Variants in CLEC7A observed in about 807,000 individuals in gnomAD.
CLEC7A encodes the protein C-type lectin domain family 7 member A.
In CLEC7A, 25 loss-of-function variants were observed where a neutral mutation model predicts 26.9. The ratio of observed to expected loss-of-function variants is 0.93; its 90% CI spans 0.68 to 1.30. The LOEUF (loss-of-function observed/expected upper bound fraction) is 1.30, where lower values mean the gene tolerates loss of function less well. Ranked by LOEUF, CLEC7A falls within the 50% of genes most tolerant of loss-of-function variation. The pLI, the probability that CLEC7A is intolerant of heterozygous loss-of-function variation, is 0.00. For synonymous variants in CLEC7A, 100 were observed against 99.5 expected (o/e 1.01, Z -0.03); for missense variants, 275 against 286.7 (o/e 0.96, Z 0.29).
rs191157740 is a variant in CLEC7A at position 10,126,233 on chromosome 12, A to G, written c.340+338T>C. Reference sequence around the variant, plus strand: ...CTAACTGTATCGCATTTAAAATGTCAATTCTGTAAGGGGAGAGAACACTTT... The same window carrying G: ...CTAACTGTATCGCATTTAAAATGTCGATTCTGTAAGGGGAGAGAACACTTT... On this transcript the variant is annotated intron_variant, in intron 3 of 5. Transcript: ENST00000304084. The G allele has an allele frequency of 4.3e-4, 427 of 981,922 alleles. 1 individual carries two copies. The African/African-American group carries it at 7.0e-3, about 16-fold the overall frequency. The allele number at this position is 981,922 out of a possible 1,614,324, so 60.8% of individuals were successfully genotyped here. A position where few individuals can be genotyped will look rare whatever the true frequency, so the allele number is the denominator to read the frequency against.
At chr12:10,119,079 A>C (rs74617318) in intron 5 of CLEC7A, among the ~76,000 whole-genome samples, 2,470 of 152,326 alleles carry the variant, frequency 0.016, 62 homozygotes, top group East Asian at 0.11. Flanking sequence ...GTATATTTTA[A>C]TGTATCCTGG....
intron 5 of CLEC7A, among the ~76,000 whole-genome samples, chr12:10,119,033 A>C (rs1016895390): frequency 3.9e-5 from 6 of 152,184 alleles, no homozygotes; most frequent in African/African-American, 1.4e-4. Flanking sequence ...AGAATCAGAG[A>C]TGCCCAGGCC....
chr12:10,124,161 A>G (rs1253154570), intron 4 of CLEC7A, among the ~76,000 whole-genome samples: 1 of 152,246 alleles, frequency 6.6e-6, no homozygotes, highest in Non-Finnish European at 1.5e-5. Flanking sequence ...ACAAATCTAT[A>G]ACAATTTATT....
rs1006526335 is a variant in CLEC7A, at chr12:10,117,946, A to T, written c.*512T>A. 2 of 153,450 alleles carry T rather than the reference A, an allele frequency of 1.3e-5. No individual in the cohort carries two copies. Among genetic ancestry groups the T allele is most frequent in the African/African-American group, 4.8e-5 (2 of 41,454 alleles). The allele number at this position is 153,450 out of a possible 1,614,324, so 9.5% of individuals were successfully genotyped here. On this transcript the variant is annotated 3_prime_UTR_variant, in exon 6 of 6. Coordinates refer to ENST00000304084, the MANE Select transcript of CLEC7A (RefSeq NM_197947.3). ...GCCAGGTGTGGTGGCTCACATCTGT[A>T]ATCCCAGCACTTTGGGAGGCCAAGG...
In CLEC7A at chr12:10,121,126, T is replaced by A. The variant is rs375618131; in HGVS notation, c.611+2119A>T. Among the ~76,000 whole-genome samples the A allele has an allele frequency of 9.9e-5, 15 of 151,996 alleles. No individual in the cohort carries two copies. The East Asian group carries it at 1.4e-3, about 14-fold the overall frequency. ...GTCAACAGAGTAAAGGAATGCTCTA[T>A]GATTTTTATATTGGTCAGGAAGAAC... On this transcript the variant is annotated intron_variant, in intron 5 of 5. Transcript: ENST00000304084.
chr12:10,118,373 T>G lies in CLEC7A; in HGVS notation c.*85A>C, dbSNP rs939272483. ...CTCTAAACATTTTCTGCATTTATCT[T>G]GACCTCAGCTGTTACTCTTTTCTGT... is the stretch of plus-strand genomic sequence containing the variant. On this transcript the variant is annotated 3_prime_UTR_variant, in exon 6 of 6. Coordinates refer to ENST00000304084, the MANE Select transcript of CLEC7A (RefSeq NM_197947.3). 6.2e-6 allele frequency: 8 copies of G among 1,294,336 alleles called. No individual in the cohort carries two copies. Among genetic ancestry groups the G allele is most frequent in the Non-Finnish European group, 8.7e-6 (8 of 914,510 alleles). 80.2% of individuals were successfully genotyped at this position (1,294,336 alleles called of 1,614,324 possible). A position where few individuals can be genotyped will look rare whatever the true frequency, so the allele number is the denominator to read the frequency against.
At chr12:10,121,881 G>A (rs1948097559) in intron 5 of CLEC7A, among the ~76,000 whole-genome samples, 2 of 152,042 alleles carry the variant, frequency 1.3e-5, no homozygotes, top group African/African-American at 2.4e-5. Context: ...GGTGGTGAGC[G>A]CCTGTAGTCC....
In CLEC7A at chr12:10,117,480, A is replaced by G. The variant is rs1251107773; in HGVS notation, c.*978T>C. On this transcript the variant is annotated 3_prime_UTR_variant, in exon 6 of 6. Transcript: ENST00000304084. ...AGGGGGCGGAGGTTGCGGTGAGCCG[A>G]GATCGTGCCGTTGCACTCCAGCCTG... is the stretch of plus-strand genomic sequence containing the variant. The G allele has an allele frequency of 1.4e-5, 2 of 144,346 alleles. No individual in the cohort carries two copies. The highest frequency in any genetic ancestry group is 3.0e-5 in the Non-Finnish European group (2 of 67,044). 8.9% of individuals were successfully genotyped at this position (144,346 alleles called of 1,614,324 possible).
intron 5 of CLEC7A, 70 bp downstream of exon 5, chr12:10,123,173 CAG>C: frequency 1.1e-6 from 1 of 944,384 alleles, no homozygotes; most frequent in Non-Finnish European, 1.7e-6. Flanking sequence ...AGCTGCTCGA[CAG>C]AGGTTTTCAT....
At chr12:10,123,394 A>G (rs1591949969) in intron 4 of CLEC7A, 31 bp from the exon 5 acceptor site, 6 of 1,081,948 alleles carry the variant, frequency 5.5e-6, no homozygotes, top group East Asian at 2.5e-5. Flanking sequence ...ATATATAATA[A>G]AGAGAGAGAG....
intron 1 of CLEC7A, among the ~76,000 whole-genome samples, chr12:10,129,010 A>C (rs1948402206): frequency 6.6e-6 from 1 of 152,198 alleles, no homozygotes; most frequent in Admixed American, 6.5e-5. Flanking sequence ...AGCTGTCAGG[A>C]CATTTCATAG....
At chr12:10,123,452 G>T in intron 4 of CLEC7A, 89 bp from the exon 5 acceptor site, 1 of 875,532 alleles carries the variant, frequency 1.1e-6, no homozygotes, top group Non-Finnish European at 1.8e-6. Context: ...AAAGACAACT[G>T]ATTGAATCAC....
intron 4 of CLEC7A, among the ~76,000 whole-genome samples, chr12:10,123,634 G>T (rs918396461): frequency 2.1e-5 from 3 of 142,614 alleles, no homozygotes; most frequent in African/African-American, 8.8e-5. Context: ...GGTGGCGGGC[G>T]CCTGTGGTCC....
In CLEC7A at chr12:10,122,484, C is replaced by CT. The variant is rs143612827; in HGVS notation, c.611+760dup. On this transcript the variant is annotated intron_variant, in intron 5 of 5. Coordinates refer to ENST00000304084, the MANE Select transcript of CLEC7A (RefSeq NM_197947.3). ...AGAGGAAAGCACTCTTTCTTTTTTT[C>CT]TTTTTTTTTTTTTTTTTTTTTGAGT... Among the ~76,000 whole-genome samples the CT allele has an allele frequency of 2.9e-3, 377 of 128,772 alleles. 4 individuals are homozygous for CT. Among genetic ancestry groups the CT allele is most frequent in the East Asian group, 0.017 (72 of 4,316 alleles). The allele number at this position is 128,772 out of a possible 152,430, so 84.5% of individuals were successfully genotyped here.
In CLEC7A at chr12:10,117,148, C is replaced by A. The variant is rs1234406278; in HGVS notation, c.*1310G>T. ...AGGTTGGTTACTTTTTTATATTCATCATCAGATTTTATGTATTTTTATGTA... is the reference window on the plus strand; with the variant it reads ...AGGTTGGTTACTTTTTTATATTCATAATCAGATTTTATGTATTTTTATGTA... On this transcript the variant is annotated 3_prime_UTR_variant, in exon 6 of 6. Coordinates refer to ENST00000304084, the MANE Select transcript of CLEC7A (RefSeq NM_197947.3). 2.0e-5 allele frequency: 3 copies of A among 152,100 alleles called. No homozygotes were observed. The highest frequency in any genetic ancestry group is 7.2e-5 in the African/African-American group (3 of 41,434). 9.4% of individuals were successfully genotyped at this position (152,100 alleles called of 1,614,324 possible). A position where few individuals can be genotyped will look rare whatever the true frequency, so the allele number is the denominator to read the frequency against.
intron 5 of CLEC7A, 31 bp downstream of exon 5, chr12:10,123,214 A>G: frequency 3.6e-6 from 5 of 1,371,496 alleles, no homozygotes; most frequent in Non-Finnish European, 5.2e-6. Flanking sequence ...TCTGAGAAAA[A>G]GGATGAAGCA....
rs188551967 is a variant in CLEC7A, at chr12:10,119,989, G to A, written c.612-1399C>T. ...TAGAAGTATACGTGTTGAAATAATA[G>A]ATTTGAGAAAGAACTAAACTAAAAT... On this transcript the variant is annotated intron_variant, in intron 5 of 5. Coordinates refer to ENST00000304084, the MANE Select transcript of CLEC7A (RefSeq NM_197947.3). Among the ~76,000 whole-genome samples, 59 of 152,180 alleles carry A rather than the reference G, an allele frequency of 3.9e-4. 1 individual carries two copies. In the East Asian group the frequency reaches 9.4e-3, roughly 24 times the overall value.
rs768973299 is a variant in CLEC7A, at chr12:10,129,967, A to T, written c.103+13T>A. 2.0e-6 allele frequency: 3 copies of T among 1,501,024 alleles called. No individual in the cohort carries two copies. The highest frequency in any genetic ancestry group is 2.8e-6 in the Non-Finnish European group (3 of 1,078,122). The allele number at this position is 1,501,024 out of a possible 1,614,324, so 93.0% of individuals were successfully genotyped here. On this transcript the variant is annotated intron_variant, in intron 1 of 5. Coordinates refer to ENST00000304084, the MANE Select transcript of CLEC7A (RefSeq NM_197947.3). ...AGAGCTAAAGGCACACATTAGAAAA[A>T]ACATATATATACCTTTCTCTGAAAC...
intron 5 of CLEC7A, among the ~76,000 whole-genome samples, chr12:10,120,755 T>C (rs868013951): frequency 6.6e-5 from 4 of 60,286 alleles, no homozygotes; most frequent in Admixed American, 2.7e-4. Context: ...TTTTTTCTTT[T>C]TCTTTTTTTT....
Sources: gnomAD v4.1 joint callset for allele counts (sites outside exome capture counted in the v4.1 genomes callset) on GRCh38, gnomAD v4.1.1 for gene constraint, MANE v1.5 for transcripts, NCBI Gene and HGNC (gene_info 2026-07-23, HGNC 2026-07-21) for gene names.